Variants in ZNF185 observed in about 807,000 individuals in gnomAD.
The protein encoded by ZNF185 is zinc finger protein 185 with LIM domain, also known as zinc finger protein 185.
In ZNF185, 56 loss-of-function variants were observed where a neutral mutation model predicts 58.6. That is an observed-to-expected ratio of 0.95 (90% confidence interval 0.77 to 1.19). The LOEUF is 1.19. Among genes scored for constraint, ZNF185 ranks in the 50% most tolerant of loss-of-function variants. The pLI, the probability that ZNF185 is intolerant of heterozygous loss-of-function variation, is 0.00. For missense variants in ZNF185, 627 were observed against 573.5 expected (o/e 1.09, Z -0.95); for synonymous variants, 230 against 215.9 (o/e 1.07, Z -0.57).
At chrX:152,960,951 T>G (rs1312138120) in intron 17 of ZNF185, among the ~76,000 whole-genome samples, 1 of 112,484 alleles carries the variant, frequency 8.9e-6, no homozygotes, top group Non-Finnish European at 1.9e-5. Flanking sequence ...CTTTGGTCAC[T>G]GGGAACCCAC....
At chrX:152,945,570 A>ACAT (rs2047702855) in intron 16 of ZNF185, 106 bp downstream of exon 18, 8 of 874,171 alleles carry the variant, frequency 9.2e-6, no homozygotes, top group Non-Finnish European at 1.3e-5. Flanking sequence ...AATACCCGAC[A>ACAT]CATTGCACAC....
intron 15 of ZNF185, among the ~76,000 whole-genome samples, chrX:152,939,138 T>G (rs1268819346): frequency 2.7e-5 from 3 of 112,165 alleles, no homozygotes; most frequent in Non-Finnish European, 3.8e-5. Context: ...TCATGTGATT[T>G]AGGTGTTTAA....
chrX:152,946,599 G>A (rs1174122195), intron 16 of ZNF185, among the ~76,000 whole-genome samples: 1 of 111,516 alleles, frequency 9.0e-6, no homozygotes, highest in Non-Finnish European at 1.9e-5. Flanking sequence ...TGAAGGAGGA[G>A]GCGAGTGGTT....
intron 15 of ZNF185, among the ~76,000 whole-genome samples, chrX:152,944,443 C>T (rs2047569535): frequency 8.9e-6 from 1 of 112,330 alleles, no homozygotes; most frequent in Non-Finnish European, 1.9e-5. Flanking sequence ...AAATGCTGGG[C>T]TCACTCTCTT....
rs782027301 is a variant in ZNF185, at chrX:152,917,916, G to A, written c.342-149G>A. 1.1e-5 allele frequency: 12 copies of A among 1,103,994 alleles called. No homozygotes were observed. The African/African-American group carries it at 1.7e-4, about 15-fold the overall frequency. 91.0% of individuals were successfully genotyped at this position (1,103,994 alleles called of 1,213,427 possible). A position where few individuals can be genotyped will look rare whatever the true frequency, so the allele number is the denominator to read the frequency against. On this transcript the variant is annotated intron_variant, in intron 5 of 22. Transcript: ENST00000449285. ...CTACACAGCTGCTCTGAGTGGCGCA[G>A]TTCCGGGTGTCTGTCAGGGCCAAAA...
intron 14 of ZNF185, 51 bp from the exon 16 acceptor site, chrX:152,936,367 C>A: frequency 9.4e-7 from 1 of 1,059,690 alleles, no homozygotes; most frequent in Non-Finnish European, 1.3e-6. Context: ...AGAGGGTAGA[C>A]ATACAGACAC....
intron 15 of ZNF185, among the ~76,000 whole-genome samples, chrX:152,938,889 AC>A (rs1569506308): frequency 4.7e-5 from 4 of 85,546 alleles, no homozygotes; most frequent in African/African-American, 2.2e-4. Context: ...GGAAAAGGCA[AC>A]TCAGGCGATC....
Position 152,937,261 on chromosome X carries a change from A to G in ZNF185, c.1122-813A>G, listed in dbSNP as rs782596327. Reference sequence around the variant, plus strand: ...TCGAGAGATAGCAGGTAAATGAGACATGGCTTTACTCAGCAGCAGCTCTCT... The same window carrying G: ...TCGAGAGATAGCAGGTAAATGAGACGTGGCTTTACTCAGCAGCAGCTCTCT... On this transcript the variant is annotated intron_variant, in intron 14 of 22. Transcript: ENST00000449285. Among the ~76,000 whole-genome samples the G allele has an allele frequency of 2.4e-3, 271 of 111,801 alleles. 1 individual carries two copies. Among genetic ancestry groups the G allele is most frequent in the Admixed American group, 5.8e-3 (62 of 10,620 alleles).
intron 14 of ZNF185, among the ~76,000 whole-genome samples, chrX:152,935,434 C>T (rs2046169590): frequency 9.1e-6 from 1 of 109,740 alleles, no homozygotes; most frequent in Non-Finnish European, 1.9e-5. Flanking sequence ...GACGGGGTTT[C>T]ACCGTGTTAG....
At chrX:152,909,607 A>ACTGCCG (rs1936816206), upstream of ZNF185, among the ~76,000 whole-genome samples, 1 of 112,472 alleles carries the variant, frequency 8.9e-6, no homozygotes, top group Admixed American at 9.3e-5. Flanking sequence ...CGCCACTGCC[A>ACTGCCG]CTGCCGCTGC....
At chrX:152,900,831 C>G in the ZNF185 span, among the ~76,000 whole-genome samples, 10 of 112,667 alleles carry the variant, frequency 8.9e-5, no homozygotes, top group Admixed American at 6.5e-4. Context: ...CAAACCCCAG[C>G]TCAGCCACCA....
chrX:152,950,031 G>A (rs1475148861), intron 16 of ZNF185, among the ~76,000 whole-genome samples: 3 of 111,725 alleles, frequency 2.7e-5, no homozygotes, highest in Non-Finnish European at 3.8e-5. Context: ...CATTTCAGAC[G>A]ACTGGGGATG....
chrX:152,947,738 G>A (rs781985850), intron 16 of ZNF185, among the ~76,000 whole-genome samples: 10 of 112,462 alleles, frequency 8.9e-5, no homozygotes, highest in African/African-American at 3.2e-4. Flanking sequence ...GGAAGGCAGT[G>A]TGTACAAAGC....
intron 16 of ZNF185, among the ~76,000 whole-genome samples, chrX:152,957,233 A>ATT (rs199603981): frequency 2.3e-3 from 226 of 97,749 alleles, no homozygotes; most frequent in African/African-American, 6.3e-3. Context: ...ATGTCTGGCT[A>ATT]TTTTTTTTTT....
At chrX:152,924,763 C>T (rs1187907559) in intron 11 of ZNF185, among the ~76,000 whole-genome samples, 2 of 112,297 alleles carry the variant, frequency 1.8e-5, no homozygotes, top group African/African-American at 3.2e-5. Flanking sequence ...CGGCTCACCG[C>T]AGCCTCCGCC....
chrX:152,945,692 C>G (rs1183306007), intron 16 of ZNF185, among the ~76,000 whole-genome samples: 1 of 111,587 alleles, frequency 9.0e-6, no homozygotes, highest in African/African-American at 3.3e-5. Flanking sequence ...GAGGATGTGT[C>G]TGTCCCCAGG....
At chrX:152,941,642 C>T in intron 15 of ZNF185, 1 of 1,150,801 alleles carries the variant, frequency 8.7e-7, no homozygotes, top group Admixed American at 2.7e-5. Context: ...GCGTAGGCCG[C>T]CATTTCTTGA....
At position 152,940,887 on chromosome X, in the gene ZNF185, T is replaced by C. The variant is rs184021074; in HGVS notation, c.1211+2724T>C. 2.1e-3 allele frequency among the ~76,000 whole-genome samples: 238 copies of C among 112,398 alleles called. 3 individuals carry two copies. Among genetic ancestry groups the C allele is most frequent in the African/African-American group, 7.3e-3 (226 of 30,953 alleles). The stretch of plus-strand genomic sequence containing the variant: ...TGCTTCAAGGAGTCTGTTTTGTCAG[T>C]CTGAATATCTCTCTCAATGTTAATA... On this transcript the variant is annotated intron_variant, in intron 15 of 22. Transcript: ENST00000449285.
the ZNF185 span, among the ~76,000 whole-genome samples, chrX:152,905,709 G>A: frequency 5.0e-5 from 5 of 99,609 alleles, no homozygotes; most frequent in African/African-American, 2.0e-4. Context: ...CTGTCAGACA[G>A]GCTTGGGGGG....
Sources: gnomAD v4.1 joint callset for allele counts (sites outside exome capture counted in the v4.1 genomes callset) on GRCh38, gnomAD v4.1.1 for gene constraint, MANE v1.5 for transcripts, NCBI Gene and HGNC (gene_info 2026-07-23, HGNC 2026-07-21) for gene names.